DCLK1: variants seen among roughly 807,000 people sequenced by gnomAD.
DCLK1 encodes the protein serine/threonine-protein kinase DCLK1.
In DCLK1, 16 loss-of-function variants were observed where a neutral mutation model predicts 86.2. The observed-to-expected ratio is 0.19, with a 90% CI of 0.13 to 0.28. DCLK1 has a LOEUF of 0.28. DCLK1 is among the 10% of genes least tolerant of loss of function. DCLK1 has a pLI of 1.00. For synonymous variants in DCLK1, 369 were observed against 370.5 expected, an observed-to-expected ratio of 1.00 and a Z score of 0.05; for missense variants, 590 against 940.2, an observed-to-expected ratio of 0.63 and a Z score of 4.87.
intron 3 of DCLK1, among the ~76,000 whole-genome samples, chr13:36,000,276 G>A (rs879569164): frequency 3.9e-5 from 6 of 152,126 alleles, no homozygotes; most frequent in Non-Finnish European, 7.3e-5. Flanking sequence ...GAGTTCTAGA[G>A]TTCCTATCAT....
chr13:35,820,127 T>C (rs563347349), intron 11 of DCLK1, among the ~76,000 whole-genome samples: 1 of 152,344 alleles, frequency 6.6e-6, no homozygotes, highest in African/African-American at 2.4e-5. Flanking sequence ...TCATGTGCAA[T>C]TAGTGACATC....
At chr13:36,027,208 G>A (rs1882076385) in intron 3 of DCLK1, among the ~76,000 whole-genome samples, 1 of 152,112 alleles carries the variant, frequency 6.6e-6, no homozygotes, top group Admixed American at 6.6e-5. Flanking sequence ...GATGGTTTTG[G>A]GATGAAACTG....
chr13:35,967,169 G>A (rs1429299602), intron 3 of DCLK1, among the ~76,000 whole-genome samples: 2 of 150,554 alleles, frequency 1.3e-5, no homozygotes, highest in East Asian at 2.0e-4. Flanking sequence ...CCGACTGGGA[G>A]GTGAGGAGCG....
intron 5 of DCLK1, among the ~76,000 whole-genome samples, chr13:35,861,870 A>T (rs1871415506): frequency 6.6e-6 from 1 of 151,712 alleles, no homozygotes; most frequent in South Asian, 2.1e-4. Flanking sequence ...ACTAAAAAAA[A>T]AAAATACAAA....
Position 35,769,309 on chromosome 13 carries a change from GAAACCTTTCAGAAACTTGTTT to G in DCLK1, c.*5205_*5225del, listed in dbSNP as rs2086287722. On this transcript the variant is annotated 3_prime_UTR_variant, in exon 17 of 17. Coordinates refer to ENST00000360631, the MANE Select transcript of DCLK1 (RefSeq NM_001330071.2). ...TTGAATTTTTTTCTTGAGTCAAATT[GAAACCTTTCAGAAACTTGTTT>G]AAATGCGCCAAGTCCCTACGCACCT... 6.6e-6 allele frequency: 1 copy of G among 152,092 alleles called. No homozygotes were observed. The highest frequency in any genetic ancestry group is 1.9e-4 in the East Asian group (1 of 5,194). The allele number at this position is 152,092 out of a possible 1,614,324, so 9.4% of individuals were successfully genotyped here. A position where few individuals can be genotyped will look rare whatever the true frequency, so the allele number is the denominator to read the frequency against.
In DCLK1 at chr13:35,868,222, T is replaced by C. The variant is rs1026281420; in HGVS notation, c.940+3002A>G. 5.9e-5 allele frequency among the ~76,000 whole-genome samples: 9 copies of C among 152,086 alleles called. No individual in the cohort carries two copies. In the East Asian group the frequency reaches 1.8e-3, roughly 30 times the overall value. ...TATTTTTAGTAGAGACAGGTTTCAC[T>C]GTGTTAGCCAGGATGGTCTCGATCT... On this transcript the variant is annotated intron_variant, in intron 5 of 16. Transcript: ENST00000360631.
At chr13:35,854,739 G>A (rs1870924779) in intron 5 of DCLK1, 146 bp from the exon 6 acceptor site, 1 of 539,030 alleles carries the variant, frequency 1.9e-6, no homozygotes, top group Non-Finnish European at 2.9e-6. Context: ...CTGAGGAACA[G>A]CTTTGGGGAA....
intron 16 of DCLK1, among the ~76,000 whole-genome samples, chr13:35,782,992 C>T (rs933499749): frequency 2.0e-5 from 3 of 152,240 alleles, no homozygotes; most frequent in Admixed American, 2.0e-4. Context: ...TCCAATAAAA[C>T]TTTATTTACA....
chr13:35,967,839 T>A (rs111384135), intron 3 of DCLK1, among the ~76,000 whole-genome samples: 6,222 of 150,660 alleles, frequency 0.041, 361 homozygotes, highest in African/African-American at 0.13. Flanking sequence ...CTAAAAAAAA[T>A]TTAAAAAAAA....
intron 2 of DCLK1, among the ~76,000 whole-genome samples, chr13:36,117,334 G>A (rs1885824683): frequency 6.6e-6 from 1 of 152,024 alleles, no homozygotes; most frequent in African/African-American, 2.4e-5. Context: ...CACATGGAGG[G>A]TGCTTAAATA....
intron 15 of DCLK1, among the ~76,000 whole-genome samples, chr13:35,802,384 C>T (rs1057331650): frequency 6.6e-6 from 1 of 151,866 alleles, no homozygotes; most frequent in African/African-American, 2.4e-5. Context: ...AATATCTTTC[C>T]TCTATGGCTC....
intron 8 of DCLK1, among the ~76,000 whole-genome samples, chr13:35,833,082 T>C (rs555913172): frequency 1.3e-5 from 2 of 152,282 alleles, no homozygotes; most frequent in East Asian, 3.9e-4. Flanking sequence ...CTTGTGTTCA[T>C]TGCTAGAGCC....
chr13:36,017,226 G>A (rs989720856), intron 3 of DCLK1, among the ~76,000 whole-genome samples: 7 of 152,120 alleles, frequency 4.6e-5, no homozygotes, highest in Admixed American at 2.6e-4. Context: ...TCCAAACTGC[G>A]GGATCTGTTC....
intron 3 of DCLK1, among the ~76,000 whole-genome samples, chr13:36,054,504 A>G (rs2153157807): frequency 6.6e-6 from 1 of 152,306 alleles, no homozygotes. Flanking sequence ...TGAGTTGAGA[A>G]ACTTCCATTC....
Position 35,937,307 on chromosome 13 carries a change from C to T in DCLK1, c.823+10051G>A, listed in dbSNP as rs78075920. Among the ~76,000 whole-genome samples the T allele has an allele frequency of 1.1e-3, 169 of 152,160 alleles. 1 individual carries two copies. Among genetic ancestry groups the T allele is most frequent in the African/African-American group, 3.8e-3 (156 of 41,516 alleles). ...TAGCTTTAAAATCACAGTTCTTGGC[C>T]GAGAGAGTTTGAAGCCACCCTATAA... On this transcript the variant is annotated intron_variant, in intron 4 of 16. Transcript: ENST00000360631.
chr13:35,894,296 A>G (rs1226798503), intron 4 of DCLK1, among the ~76,000 whole-genome samples: 2 of 152,184 alleles, frequency 1.3e-5, no homozygotes, highest in Non-Finnish European at 2.9e-5. Context: ...AGATGAACTT[A>G]AGGCTTAGCA....
intron 3 of DCLK1, among the ~76,000 whole-genome samples, chr13:35,980,101 A>G (rs1879557864): frequency 6.6e-6 from 1 of 152,170 alleles, no homozygotes; most frequent in African/African-American, 2.4e-5. Flanking sequence ...TCCAACCATC[A>G]CCACCGCTGG....
At chr13:35,818,949 G>A (rs1239234690) in intron 11 of DCLK1, among the ~76,000 whole-genome samples, 1 of 152,074 alleles carries the variant, frequency 6.6e-6, no homozygotes, top group East Asian at 1.9e-4. Flanking sequence ...CCACTGCTCA[G>A]TGAAGTTTAC....
At position 35,809,034 on chromosome 13, in the gene DCLK1, A is replaced by T. The variant is rs2087090503; in HGVS notation, c.1750T>A (p.Phe584Ile). The T allele has an allele frequency of 6.2e-7, 1 of 1,612,012 alleles. No individual in the cohort carries two copies. The highest frequency in any genetic ancestry group is 1.1e-5 in the South Asian group (1 of 90,806). The change falls in exon 13 of 17, where the codon TTC becomes ATC. Residue 584 changes from phenylalanine (F) to isoleucine (I), a missense_variant. Phe to Ile is a conservative substitution (Grantham distance 21, BLOSUM62 0). Transcript: ENST00000360631. ...TGCCCATACCCACGGAATGGAGGGA[A>T]ACCACACAGCAGGATATAAGTGATT... ...GVITYILLCG[F>I]PPFRGSGDDQ...
Sources: gnomAD v4.1 joint callset for allele counts (sites outside exome capture counted in the v4.1 genomes callset) on GRCh38, gnomAD v4.1.1 for gene constraint, MANE v1.5 for transcripts, NCBI Gene and HGNC (gene_info 2026-07-23, HGNC 2026-07-21) for gene names.